STK3: variants seen among roughly 807,000 people sequenced by gnomAD.
The protein encoded by STK3 is serine/threonine-protein kinase 3.
STK3 carries 41 observed loss-of-function variants against 58.0 expected under a neutral mutation model. The observed-to-expected ratio is 0.71, with a 90% CI of 0.55 to 0.92. STK3 has a LOEUF of 0.92. Ranked by LOEUF, STK3 falls within the 40% of genes least tolerant of loss-of-function variation. The probability of loss-of-function intolerance (pLI) is 0.00; values close to 1 mark genes in which losing one functional copy is unlikely to be tolerated. For missense variants in STK3, 479 were observed against 602.7 expected, an observed-to-expected ratio of 0.79 and a Z score of 2.15; for synonymous variants, 170 against 191.0, an observed-to-expected ratio of 0.89 and a Z score of 0.91.
intron 9 of STK3, among the ~76,000 whole-genome samples, chr8:98,534,604 G>GA (rs1809611411): frequency 1.3e-5 from 2 of 152,142 alleles, no homozygotes; most frequent in African/African-American, 4.8e-5. Context: ...AACAAAAATA[G>GA]AAATTGGTTA....
At chr8:98,568,106 T>TAGAC (rs1409163222) in intron 8 of STK3, among the ~76,000 whole-genome samples, 2 of 144,852 alleles carry the variant, frequency 1.4e-5, no homozygotes, top group African/African-American at 2.5e-5. Context: ...GATAGATAGA[T>TAGAC]AGATAGACTG....
chr8:98,696,860 C>T (rs992650473), intron 6 of STK3, among the ~76,000 whole-genome samples: 65 of 152,262 alleles, frequency 4.3e-4, no homozygotes, highest in South Asian at 1.9e-3. Flanking sequence ...ATCAGGATGA[C>T]GCTGGCCTCA....
At chr8:98,939,713 C>A (rs527755858) in intron 1 of STK3, among the ~76,000 whole-genome samples, 1 of 152,348 alleles carries the variant, frequency 6.6e-6, no homozygotes, top group South Asian at 2.1e-4. Context: ...AAAACACACA[C>A]AATATGAAAG....
At chr8:98,495,327 A>AGC (rs908757353) in intron 10 of STK3, among the ~76,000 whole-genome samples, 2 of 152,174 alleles carry the variant, frequency 1.3e-5, no homozygotes, top group Admixed American at 1.3e-4. Flanking sequence ...CACTCAGATG[A>AGC]GCACCTTAAG....
chr8:98,747,958 G>A (rs1039820946), intron 4 of STK3, among the ~76,000 whole-genome samples: 1 of 152,150 alleles, frequency 6.6e-6, no homozygotes, highest in Admixed American at 6.5e-5. Context: ...GTTTTCTGAA[G>A]ATAATGATCT....
chr8:98,454,356 C>A (rs1417683549), downstream of STK3, among the ~76,000 whole-genome samples: 1 of 152,202 alleles, frequency 6.6e-6, no homozygotes, highest in African/African-American at 2.4e-5. Context: ...ATGAAACTCT[C>A]CAGCTCCCCT....
intron 10 of STK3, among the ~76,000 whole-genome samples, chr8:98,480,085 T>C (rs1363880247): frequency 6.6e-6 from 1 of 152,102 alleles, no homozygotes; most frequent in African/African-American, 2.4e-5. Flanking sequence ...TTCAGGACCC[T>C]CTGAAGTCCC....
At chr8:98,690,733 T>C (rs1053174176) in intron 6 of STK3, among the ~76,000 whole-genome samples, 1 of 152,198 alleles carries the variant, frequency 6.6e-6, no homozygotes, top group Non-Finnish European at 1.5e-5. Context: ...GGAGCCTAAA[T>C]AGCCAAGGCA....
In STK3 at chr8:98,430,742, G is replaced by A. The variant is rs764007075; in HGVS notation, n.483+3385C>T. On this transcript the variant is annotated intron_variant and non_coding_transcript_variant, in intron 3 of 3. Transcript: ENST00000517832. ...ACTGCCTTTCATGGGGGGTGACTGG[G>A]TAGAGGCCAGGAGAAAGGAAAGAGT... The A allele has an allele frequency of 1.1e-3, 190 of 167,076 alleles. 1 individual carries two copies. The highest frequency in any genetic ancestry group is 7.2e-4 in the Non-Finnish European group (49 of 68,136). The allele number at this position is 167,076 out of a possible 1,614,324, so 10.3% of individuals were successfully genotyped here.
At chr8:98,546,963 G>A (rs953083250) in intron 9 of STK3, among the ~76,000 whole-genome samples, 1 of 152,094 alleles carries the variant, frequency 6.6e-6, no homozygotes, top group African/African-American at 2.4e-5. Flanking sequence ...TGAAGTTATG[G>A]GTCAGACCTC....
At chr8:98,561,019 G>A (rs370032853) in intron 8 of STK3, among the ~76,000 whole-genome samples, 1 of 151,968 alleles carries the variant, frequency 6.6e-6, no homozygotes, top group Non-Finnish European at 1.5e-5. Context: ...GGTTAACAAA[G>A]CAAGATGCCG....
chr8:98,860,439 G>T (rs1836887938), intron 3 of STK3, among the ~76,000 whole-genome samples: 1 of 152,134 alleles, frequency 6.6e-6, no homozygotes, highest in Non-Finnish European at 1.5e-5. Context: ...GAAGGAGCTT[G>T]GTGTGCTTGA....
chr8:98,426,341 C>T (rs1818231929), intron 3 of STK3, among the ~76,000 whole-genome samples: 1 of 152,198 alleles, frequency 6.6e-6, no homozygotes, highest in Non-Finnish European at 1.5e-5. Context: ...TTAATGAACG[C>T]GGTACACACA....
At chr8:98,445,660 T>C (rs1818911073) in intron 1 of STK3, among the ~76,000 whole-genome samples, 1 of 152,172 alleles carries the variant, frequency 6.6e-6, no homozygotes, top group Non-Finnish European at 1.5e-5. Context: ...AGAAGAAAAC[T>C]GCTGACAAAA....
At chr8:98,518,689 ATGACACAAC>A (rs1435650905) in intron 10 of STK3, among the ~76,000 whole-genome samples, 1 of 152,164 alleles carries the variant, frequency 6.6e-6, no homozygotes, top group Non-Finnish European at 1.5e-5. Flanking sequence ...AGACAATCAC[ATGACACAAC>A]TGTGCACACG....
chr8:98,839,324 C>T (rs1412984251), intron 3 of STK3, among the ~76,000 whole-genome samples: 1 of 152,136 alleles, frequency 6.6e-6, no homozygotes, highest in African/African-American at 2.4e-5. Context: ...GGTAGGACTA[C>T]AGCATGAACC....
intron 6 of STK3, among the ~76,000 whole-genome samples, chr8:98,704,828 T>C (rs1028260627): frequency 1.3e-5 from 2 of 152,146 alleles, no homozygotes; most frequent in African/African-American, 4.8e-5. Flanking sequence ...AGAATAGTAA[T>C]AATGGAAGTC....
chr8:98,428,048 G>A lies in STK3; in HGVS notation n.483+6079C>T, dbSNP rs750015651. On this transcript the variant is annotated intron_variant and non_coding_transcript_variant, in intron 3 of 3. Transcript: ENST00000517832. This position sits in a 1 kb window ranked among gnomAD's most constrained non-coding sequence, Gnocchi z 6.7. ...AGGACGGGGAGATCCGCATCAATGTGGGCGGCTTCAAGAGGAGGCTGCGCT... is the reference window on the plus strand; with the variant it reads ...AGGACGGGGAGATCCGCATCAATGTAGGCGGCTTCAAGAGGAGGCTGCGCT... The A allele has an allele frequency of 6.2e-7, 1 of 1,611,874 alleles. No homozygotes were observed. Among genetic ancestry groups the A allele is most frequent in the Non-Finnish European group, 8.5e-7 (1 of 1,178,876 alleles).
intron 4 of STK3, among the ~76,000 whole-genome samples, chr8:98,718,070 AG>A (rs1477664195): frequency 1.3e-5 from 2 of 152,202 alleles, no homozygotes; most frequent in African/African-American, 4.8e-5. Flanking sequence ...ATGGACAGTT[AG>A]TGCTTAATGG....
Sources: allele counts gnomAD v4.1 joint callset (sites outside exome capture counted in the v4.1 genomes callset), GRCh38; gene constraint gnomAD v4.1.1; non-coding constraint Gnocchi (gnomAD v3.1); transcripts MANE v1.5; gene names NCBI Gene and HGNC (gene_info 2026-07-23, HGNC 2026-07-21).